The following SBNO2 variants were observed in gnomAD, a reference collection of about 807,000 sequenced individuals.
SBNO2 encodes protein strawberry notch homolog 2.
Under a neutral mutation model 146.3 loss-of-function variants are expected in SBNO2, and 89 were observed. The ratio of observed to expected loss-of-function variants is 0.61; its 90% CI spans 0.51 to 0.73. SBNO2 has a LOEUF of 0.73. Among genes scored for constraint, SBNO2 ranks in the 30% least tolerant of loss-of-function variants. The pLI, the probability that SBNO2 is intolerant of heterozygous loss-of-function variation, is 0.00. For missense variants in SBNO2, 2,092 were observed against 2,003.7 expected, an observed-to-expected ratio of 1.04 and a Z score of -0.84; for synonymous variants, 1,147 against 892.6, an observed-to-expected ratio of 1.29 and a Z score of -5.08.
intron 1 of SBNO2, chr19:1,168,830 AC>A (rs1030492232): frequency 7.2e-5 from 11 of 151,990 alleles, no homozygotes; most frequent in Non-Finnish European, 1.2e-4. Flanking sequence ...AGTTCCAGAA[AC>A]GTTTACTGCC....
intron 1 of SBNO2, among the ~76,000 whole-genome samples, chr19:1,164,533 G>GAGGAGGAAC (rs2080385705): frequency 2.0e-5 from 2 of 97,866 alleles, no homozygotes; most frequent in Non-Finnish European, 4.3e-5. Flanking sequence ...ACAGGAGGAG[G>GAGGAGGAAC]AGGAGGAGGA....
chr19:1,163,963 T>C (rs1340243244), intron 1 of SBNO2, among the ~76,000 whole-genome samples: 1 of 152,212 alleles, frequency 6.6e-6, no homozygotes, highest in Non-Finnish European at 1.5e-5. Flanking sequence ...AAAGGTGTAC[T>C]GGCCAGACTC....
chr19:1,117,929 G>A (rs991316880), intron 14 of SBNO2, among the ~76,000 whole-genome samples: 2 of 152,218 alleles, frequency 1.3e-5, no homozygotes, highest in African/African-American at 4.8e-5. Flanking sequence ...TAGGGTGGCT[G>A]GGACTCTGGC....
intron 4 of SBNO2, chr19:1,128,128 G>C (rs1455723240): frequency 2.0e-6 from 1 of 496,654 alleles, no homozygotes; most frequent in Non-Finnish European, 3.9e-6. Flanking sequence ...GAGAGAGTGA[G>C]ACTCCGTCTC....
chr19:1,118,616 C>T (rs2079860862), intron 14 of SBNO2, among the ~76,000 whole-genome samples: 1 of 152,250 alleles, frequency 6.6e-6, no homozygotes. Flanking sequence ...CGCCTGTCAT[C>T]CCAGCACTGT....
chr19:1,157,716 G>A lies in SBNO2; in HGVS notation c.-126-3314C>T, dbSNP rs1377244274. 6.6e-6 allele frequency among the ~76,000 whole-genome samples: 1 copy of A among 152,172 alleles called. No homozygotes were observed. The highest frequency in any genetic ancestry group is 1.5e-5 in the Non-Finnish European group (1 of 68,032). Reference sequence around the variant, plus strand: ...AAAGAGAACGATGAAGGTGCTGGTGGCCCAGACAGGACAACCACTGGGAAG... The same window carrying A: ...AAAGAGAACGATGAAGGTGCTGGTGACCCAGACAGGACAACCACTGGGAAG... On this transcript the variant is annotated intron_variant, in intron 1 of 31. Coordinates refer to ENST00000361757, the MANE Select transcript of SBNO2 (RefSeq NM_014963.3). This position sits in a 1 kb window ranked among gnomAD's most constrained non-coding sequence, Gnocchi z 6.8.
Position 1,154,282 on chromosome 19 carries a change from G to T in SBNO2, c.-6C>A, listed in dbSNP as rs567530492. The stretch of plus-strand genomic sequence containing the variant: ...GCGGGCCCCACTGCAAGCATCGGGC[G>T]GCAGGCGGGGTGGGGTCCTCGGCCG... On this transcript the variant is annotated 5_prime_UTR_variant, in exon 2 of 32. Transcript: ENST00000361757. 2.4e-6 allele frequency: 3 copies of T among 1,259,504 alleles called. No homozygotes were observed. Among genetic ancestry groups the T allele is most frequent in the Non-Finnish European group, 1.0e-6 (1 of 1,001,130 alleles). The allele number at this position is 1,259,504 out of a possible 1,614,324, so 78.0% of individuals were successfully genotyped here. A position where few individuals can be genotyped will look rare whatever the true frequency, so the allele number is the denominator to read the frequency against.
At chr19:1,134,964 T>A (rs774791400) in intron 4 of SBNO2, among the ~76,000 whole-genome samples, 21 of 147,290 alleles carry the variant, frequency 1.4e-4, no homozygotes, top group Non-Finnish European at 2.7e-4. Context: ...GAGAATTGCT[T>A]GAACCCGGGA....
At chr19:1,149,484 C>T in intron 2 of SBNO2, 42 bp from the exon 3 acceptor site, 3 of 1,528,698 alleles carry the variant, frequency 2.0e-6, no homozygotes, top group Admixed American at 2.0e-5. Context: ...AAGCAGAGGA[C>T]CTGCGGTGCA....
intron 4 of SBNO2, among the ~76,000 whole-genome samples, chr19:1,141,009 G>GGGAA (rs2080130514): frequency 6.6e-6 from 1 of 152,026 alleles, no homozygotes; most frequent in Non-Finnish European, 1.5e-5. Flanking sequence ...ACACACCCTG[G>GGGAA]AGAAGACACA....
Position 1,117,436 on chromosome 19 carries a change from A to G in SBNO2, c.1591T>C (p.Ser531Pro). 6.3e-7 allele frequency: 1 copy of G among 1,589,742 alleles called. No individual in the cohort carries two copies. The highest frequency in any genetic ancestry group is 1.1e-5 in the South Asian group (1 of 87,138). The change falls in exon 15 of 32, where the codon TCC (serine) becomes CCC (proline). Residue 531 changes from serine (S) to proline (P), a missense_variant. Transcript: ENST00000361757. ...ADWIGLESRKSLWGQFWSAHQ... is the reference protein window; with the variant it reads ...ADWIGLESRKPLWGQFWSAHQ... ...GCCGACCAGAACTGGCCCCACAGGGACTTGCGCGACTCCAGGCCGATCCAG... is the reference window on the plus strand; with the variant it reads ...GCCGACCAGAACTGGCCCCACAGGGGCTTGCGCGACTCCAGGCCGATCCAG...
intron 1 of SBNO2, among the ~76,000 whole-genome samples, chr19:1,155,289 G>A (rs2080280067): frequency 6.6e-6 from 1 of 152,202 alleles, no homozygotes; most frequent in East Asian, 1.9e-4. Flanking sequence ...TGGGGGAGAG[G>A]CACGTCTCTG....
chr19:1,159,844 C>T (rs929291465), intron 1 of SBNO2, among the ~76,000 whole-genome samples: 13 of 151,662 alleles, frequency 8.6e-5, no homozygotes, highest in Non-Finnish European at 1.8e-4. Context: ...TCAAGACATC[C>T]GTGAGGTTCC....
chr19:1,141,473 C>G (rs770553933), intron 4 of SBNO2, among the ~76,000 whole-genome samples: 1 of 152,092 alleles, frequency 6.6e-6, no homozygotes, highest in Admixed American at 6.5e-5. Flanking sequence ...CCTTGGCCCC[C>G]CAAAGTGCTG....
At chr19:1,117,715 G>A (rs928094902) in intron 14 of SBNO2, among the ~76,000 whole-genome samples, 2 of 152,268 alleles carry the variant, frequency 1.3e-5, no homozygotes, top group African/African-American at 4.8e-5. Context: ...GGGAAGCCGT[G>A]CTGCAAACTG....
chr19:1,147,439 G>GC lies in SBNO2; in HGVS notation c.168-20_168-19insG, dbSNP rs1555725748. On this transcript the variant is annotated intron_variant, in intron 3 of 31. Transcript: ENST00000361757. ...GAACGGGCTGGAGGGAGATGGGGGG[G>GC]GGGGAGGTGAGATGGGGTGCTCAAC... 1.5e-5 allele frequency: 19 copies of GC among 1,265,176 alleles called. 1 individual carries two copies. The highest frequency in any genetic ancestry group is 2.0e-5 in the Non-Finnish European group (18 of 922,510). 78.4% of individuals were successfully genotyped at this position (1,265,176 alleles called of 1,614,324 possible). A position where few individuals can be genotyped will look rare whatever the true frequency, so the allele number is the denominator to read the frequency against.
intron 4 of SBNO2, among the ~76,000 whole-genome samples, chr19:1,141,903 G>A (rs2080140872): frequency 6.6e-6 from 1 of 152,028 alleles, no homozygotes; most frequent in Non-Finnish European, 1.5e-5. Flanking sequence ...GATCACAGGC[G>A]TGAGCCACCG....
intron 2 of SBNO2, among the ~76,000 whole-genome samples, chr19:1,152,297 A>C (rs957309750): frequency 2.0e-5 from 3 of 152,088 alleles, no homozygotes; most frequent in Non-Finnish European, 2.9e-5. Flanking sequence ...TAATTCGCTT[A>C]ATTATTTCCC....
chr19:1,164,192 A>C (rs1200214405), intron 1 of SBNO2, among the ~76,000 whole-genome samples: 1 of 138,968 alleles, frequency 7.2e-6, no homozygotes, highest in Non-Finnish European at 1.6e-5. Flanking sequence ...CGGAGGGGCC[A>C]AGGGGCTGGT....
Sources: allele counts gnomAD v4.1 joint callset (sites outside exome capture counted in the v4.1 genomes callset), GRCh38; gene constraint gnomAD v4.1.1; non-coding constraint Gnocchi (gnomAD v3.1); transcripts MANE v1.5; gene names NCBI Gene and HGNC (gene_info 2026-07-23, HGNC 2026-07-21).